SDK1: variants seen among roughly 807,000 people sequenced by gnomAD.
The protein encoded by SDK1 is sidekick cell adhesion molecule 1, also known as protein sidekick-1.
SDK1 carries 157 observed loss-of-function variants against 245.5 expected under a neutral mutation model. The ratio of observed to expected loss-of-function variants is 0.64; its 90% CI spans 0.56 to 0.73. SDK1 has a LOEUF of 0.73. SDK1 is among the 30% of genes least tolerant of loss of function. The pLI is 0.00. For missense variants in SDK1, 3,583 were observed against 3,002.3 expected, an observed-to-expected ratio of 1.19 and a Z score of -4.52; for synonymous variants, 1,647 against 1,278.5, an observed-to-expected ratio of 1.29 and a Z score of -6.15.
intron 20 of SDK1, among the ~76,000 whole-genome samples, chr7:4,076,459 G>A (rs996594258): frequency 2.6e-5 from 4 of 152,222 alleles, no homozygotes; most frequent in African/African-American, 9.6e-5. Flanking sequence ...AGGACGCTGA[G>A]GTGGGAGGAT....
At chr7:3,505,766 G>T (rs954647142) in intron 1 of SDK1, among the ~76,000 whole-genome samples, 1 of 152,114 alleles carries the variant, frequency 6.6e-6, no homozygotes, top group Non-Finnish European at 1.5e-5. Context: ...ACCTGTAGAT[G>T]TGGAGAACTG....
intron 30 of SDK1, among the ~76,000 whole-genome samples, chr7:4,152,978 G>A (rs1780484523): frequency 6.6e-6 from 1 of 152,186 alleles, no homozygotes; most frequent in African/African-American, 2.4e-5. Context: ...GCAGTAGAGA[G>A]GAAGAAGAGA....
At chr7:3,501,389 A>AAGG (rs35729387) in intron 1 of SDK1, among the ~76,000 whole-genome samples, 1 of 151,320 alleles carries the variant, frequency 6.6e-6, no homozygotes, top group Non-Finnish European at 1.5e-5. Flanking sequence ...AAAAAAAAAA[A>AAGG]CTGATCAGGA....
At chr7:3,559,594 T>C (rs1779686882) in intron 1 of SDK1, among the ~76,000 whole-genome samples, 2 of 152,214 alleles carry the variant, frequency 1.3e-5, no homozygotes, top group South Asian at 2.1e-4. Flanking sequence ...CACCAGTGTC[T>C]TGCAAGAGCT....
chr7:4,189,976 T>C (rs1783098189), intron 35 of SDK1, among the ~76,000 whole-genome samples: 1 of 152,062 alleles, frequency 6.6e-6, no homozygotes, highest in African/African-American at 2.4e-5. Flanking sequence ...TTAATTACAG[T>C]TGGTTGGAAT....
chr7:4,173,893 G>A (rs1470843952), intron 32 of SDK1, among the ~76,000 whole-genome samples: 1 of 152,226 alleles, frequency 6.6e-6, no homozygotes, highest in Non-Finnish European at 1.5e-5. Flanking sequence ...TCACCACACA[G>A]CACCCAGCCT....
At chr7:3,571,390 A>C (rs1441201933) in intron 1 of SDK1, among the ~76,000 whole-genome samples, 1 of 151,804 alleles carries the variant, frequency 6.6e-6, no homozygotes, top group East Asian at 1.9e-4. Flanking sequence ...GTAACCTCAA[A>C]CTCCTGGATT....
chr7:4,120,517 C>G (rs998920526), intron 25 of SDK1, among the ~76,000 whole-genome samples: 1 of 148,968 alleles, frequency 6.7e-6, no homozygotes, highest in Non-Finnish European at 1.5e-5. Context: ...CCCAGATAAA[C>G]TAATCTTCCA....
intron 1 of SDK1, among the ~76,000 whole-genome samples, chr7:3,597,226 C>T (rs904494385): frequency 8.9e-5 from 13 of 146,126 alleles, no homozygotes; most frequent in East Asian, 2.0e-4. Context: ...GAGCCCAGAT[C>T]GCGCCACTGC....
chr7:4,190,811 G>A (rs1783156264), intron 35 of SDK1, among the ~76,000 whole-genome samples: 1 of 152,252 alleles, frequency 6.6e-6, no homozygotes, highest in African/African-American at 2.4e-5. Flanking sequence ...TTCTCAGAGA[G>A]CTCCCAGGAT....
At position 4,122,782 on chromosome 7, in the gene SDK1, C is replaced by T. The variant is rs150961795; in HGVS notation, c.3824-4599C>T. Among the ~76,000 whole-genome samples the T allele has an allele frequency of 3.7e-3, 565 of 152,224 alleles. 4 individuals are homozygous for T. The highest frequency in any genetic ancestry group is 0.013 in the African/African-American group (539 of 41,536). On this transcript the variant is annotated intron_variant, in intron 25 of 44. Coordinates refer to ENST00000404826, the MANE Select transcript of SDK1 (RefSeq NM_152744.4). ...GGGAATTCCCAAGAACATCTCAAAA[C>T]GTAAGATGTCAGGTTGGAAAGGGAG...
At chr7:3,760,748 C>G (rs1461416075) in intron 4 of SDK1, among the ~76,000 whole-genome samples, 3 of 152,168 alleles carry the variant, frequency 2.0e-5, no homozygotes, top group Non-Finnish European at 4.4e-5. Flanking sequence ...TGATCTGTTT[C>G]TGACTTTTCC....
chr7:3,342,584 A>G (rs962153552), intron 1 of SDK1, among the ~76,000 whole-genome samples: 10 of 152,004 alleles, frequency 6.6e-5, no homozygotes, highest in Non-Finnish European at 1.0e-4. Flanking sequence ...GCGAAACTCC[A>G]TCTCAAAAAA....
At chr7:3,546,411 T>C (rs957473854) in intron 1 of SDK1, among the ~76,000 whole-genome samples, 2 of 152,360 alleles carry the variant, frequency 1.3e-5, no homozygotes, top group Admixed American at 6.5e-5. Flanking sequence ...CAGATGAGGT[T>C]GTACACTAAA....
rs114169095 is a variant in SDK1 at position 3,846,652 on chromosome 7, C to T, written c.847+25069C>T. 4.6e-3 allele frequency among the ~76,000 whole-genome samples: 704 copies of T among 152,272 alleles called. 6 individuals are homozygous for T. The highest frequency in any genetic ancestry group is 0.016 in the African/African-American group (658 of 41,550). On this transcript the variant is annotated intron_variant, in intron 5 of 44. Coordinates refer to ENST00000404826, the MANE Select transcript of SDK1 (RefSeq NM_152744.4). ...CTGTCCTAAAGAGTATTACTGCTTC[C>T]GTTGAAGGCTAAAATTTCCCCCACT...
At chr7:3,473,741 A>G (rs1161721659) in intron 1 of SDK1, among the ~76,000 whole-genome samples, 1 of 151,840 alleles carries the variant, frequency 6.6e-6, no homozygotes, top group Non-Finnish European at 1.5e-5. Flanking sequence ...TGCCTCCTAC[A>G]CAGAGCCCTG....
intron 1 of SDK1, among the ~76,000 whole-genome samples, chr7:3,337,131 A>G (rs774317938): frequency 5.9e-5 from 9 of 152,222 alleles, no homozygotes; most frequent in Admixed American, 1.3e-4. Context: ...AGGATTTGAA[A>G]GCTGCTATGA....
At chr7:3,507,968 A>G (rs1782447701) in intron 1 of SDK1, among the ~76,000 whole-genome samples, 1 of 152,116 alleles carries the variant, frequency 6.6e-6, no homozygotes, top group Non-Finnish European at 1.5e-5. Context: ...GGCATTTGAC[A>G]CTGCTGACTG....
rs552449177 is a variant in SDK1 at position 3,486,070 on chromosome 7, A to G, written c.299-133010A>G. Among the ~76,000 whole-genome samples the G allele has an allele frequency of 2.6e-5, 4 of 152,066 alleles. No homozygotes were observed. The East Asian group carries it at 7.7e-4, about 29-fold the overall frequency. On this transcript the variant is annotated intron_variant, in intron 1 of 44. Coordinates refer to ENST00000404826, the MANE Select transcript of SDK1 (RefSeq NM_152744.4). ...GAAAAACTCTTCATTAAAATCATCT[A>G]TGCTTAGTGCTTTTTTCCCCCCTGA...
Sources: gnomAD v4.1 joint callset for allele counts (sites outside exome capture counted in the v4.1 genomes callset) on GRCh38, gnomAD v4.1.1 for gene constraint, MANE v1.5 for transcripts, NCBI Gene and HGNC (gene_info 2026-07-23, HGNC 2026-07-21) for gene names.